The following RBFOX1 variants were observed in gnomAD, a reference collection of about 807,000 sequenced individuals.
RBFOX1 encodes RNA binding protein fox-1 homolog 1.
Under a neutral mutation model 57.7 loss-of-function variants are expected in RBFOX1, and 8 were observed. That is an observed-to-expected ratio of 0.14 (90% CI 0.08 to 0.25). The LOEUF is 0.25. Ranked by LOEUF, RBFOX1 falls within the 10% of genes least tolerant of loss-of-function variation. The pLI is 1.00. For synonymous variants in RBFOX1, 326 were observed against 222.4 expected, an observed-to-expected ratio of 1.47 and a Z score of -4.15; for missense variants, 611 against 548.5, an observed-to-expected ratio of 1.11 and a Z score of -1.14.
At chr16:7,475,916 C>T (rs891523935) in intron 4 of RBFOX1, among the ~76,000 whole-genome samples, 4 of 152,138 alleles carry the variant, frequency 2.6e-5, no homozygotes, top group African/African-American at 4.8e-5. Context: ...TCATGTCTGG[C>T]AGTGTAGTAA....
intron 4 of RBFOX1, among the ~76,000 whole-genome samples, chr16:5,953,473 C>G (rs146240911): frequency 2.6e-4 from 40 of 152,140 alleles, no homozygotes; most frequent in South Asian, 1.5e-3. Context: ...AGTTTGTAGT[C>G]TTTTATCCCT....
At chr16:7,436,024 G>C (rs938100225) in intron 4 of RBFOX1, among the ~76,000 whole-genome samples, 1 of 152,112 alleles carries the variant, frequency 6.6e-6, no homozygotes, top group Non-Finnish European at 1.5e-5. Flanking sequence ...TTTTTAGGGA[G>C]GGTGGGGCAT....
In RBFOX1 at chr16:7,245,592, C is replaced by G. The variant is rs1217056199; in HGVS notation, c.27+193494C>G. Among the ~76,000 whole-genome samples, 4 of 152,302 alleles carry G rather than the reference C, an allele frequency of 2.6e-5. No individual in the cohort carries two copies. In the East Asian group the frequency reaches 5.8e-4, roughly 22 times the overall value. On this transcript the variant is annotated intron_variant, in intron 4 of 15. Coordinates refer to ENST00000550418, the MANE Select transcript of RBFOX1 (RefSeq NM_018723.4). ...AAAATTTTAAATCTGATTTTTATAA[C>G]TTTTCTGAGAGGTTAAACTTTTGGA... is the stretch of plus-strand genomic sequence containing the variant.
intron 3 of RBFOX1, among the ~76,000 whole-genome samples, chr16:6,978,699 G>A (rs928226848): frequency 6.6e-6 from 1 of 152,208 alleles, no homozygotes; most frequent in Non-Finnish European, 1.5e-5. Flanking sequence ...TTTTGCCAAT[G>A]TAATCAGGAT....
intron 2 of RBFOX1, among the ~76,000 whole-genome samples, chr16:6,493,848 G>C (rs1390133379): frequency 1.3e-5 from 2 of 152,142 alleles, no homozygotes; most frequent in African/African-American, 4.8e-5. Context: ...ACGAAAGCTA[G>C]AAATAATCAG....
intron 14 of RBFOX1, among the ~76,000 whole-genome samples, chr16:7,684,893 T>C (rs1163286810): frequency 6.6e-6 from 1 of 152,082 alleles, no homozygotes; most frequent in African/African-American, 2.4e-5. Context: ...CCACTATTTT[T>C]GTTTTCTTCC....
chr16:6,185,926 A>G (rs967042491), intron 1 of RBFOX1, among the ~76,000 whole-genome samples: 13 of 152,212 alleles, frequency 8.5e-5, no homozygotes, highest in African/African-American at 2.9e-4. Context: ...TACCCTCCTT[A>G]GAGCTAAGGA....
intron 1 of RBFOX1, among the ~76,000 whole-genome samples, chr16:6,175,905 T>C (rs574955661): frequency 6.6e-6 from 1 of 152,232 alleles, no homozygotes; most frequent in East Asian, 1.9e-4. Flanking sequence ...TGACTGCCTG[T>C]TAGAAGCACC....
intron 3 of RBFOX1, among the ~76,000 whole-genome samples, chr16:6,834,914 A>G (rs2092975396): frequency 2.5e-5 from 3 of 122,306 alleles, no homozygotes; most frequent in Admixed American, 9.6e-5. Context: ...TTTTTTTGAG[A>G]TGGTGTCTCG....
chr16:7,354,975 C>T (rs907171168), intron 4 of RBFOX1, among the ~76,000 whole-genome samples: 1 of 152,166 alleles, frequency 6.6e-6, no homozygotes, highest in African/African-American at 2.4e-5. Context: ...TGAAACATGA[C>T]AAATAATGAT....
intron 4 of RBFOX1, among the ~76,000 whole-genome samples, chr16:5,901,575 A>G (rs1307353809): frequency 6.6e-6 from 1 of 152,170 alleles, no homozygotes; most frequent in Admixed American, 6.6e-5. Context: ...TTAGAAATTC[A>G]GCCCCTCAGC....
intron 1 of RBFOX1, among the ~76,000 whole-genome samples, chr16:5,342,295 C>T (rs17137865): frequency 0.053 from 8,017 of 152,116 alleles, 402 homozygotes; most frequent in African/African-American, 0.13. Flanking sequence ...AAGTTTGAAC[C>T]CATCATTGTA....
At chr16:6,372,117 ATAG>A in intron 2 of RBFOX1, among the ~76,000 whole-genome samples, 3 of 151,942 alleles carry the variant, frequency 2.0e-5, no homozygotes, top group Non-Finnish European at 4.4e-5. Context: ...ATGGAAAAGT[ATAG>A]TTGGGTGGGA....
intron 4 of RBFOX1, among the ~76,000 whole-genome samples, chr16:7,170,973 C>G (rs1208448284): frequency 6.6e-6 from 1 of 152,096 alleles, no homozygotes; most frequent in Non-Finnish European, 1.5e-5. Flanking sequence ...GCAGGTGATC[C>G]TAAAACACAC....
At chr16:6,619,486 T>C (rs948306986) in intron 2 of RBFOX1, among the ~76,000 whole-genome samples, 1 of 152,148 alleles carries the variant, frequency 6.6e-6, no homozygotes, top group Non-Finnish European at 1.5e-5. Flanking sequence ...TTTTTTCTTC[T>C]CATTAAACTT....
At chr16:6,905,625 A>T (rs2069674915) in intron 3 of RBFOX1, among the ~76,000 whole-genome samples, 1 of 151,842 alleles carries the variant, frequency 6.6e-6, no homozygotes. Context: ...CTTTGTGTTT[A>T]TTCCAATTTT....
intron 2 of RBFOX1, among the ~76,000 whole-genome samples, chr16:6,358,645 C>T (rs1257708114): frequency 6.6e-6 from 1 of 152,110 alleles, no homozygotes; most frequent in African/African-American, 2.4e-5. Flanking sequence ...GAGGTAGATA[C>T]TATTATTCAT....
intron 4 of RBFOX1, among the ~76,000 whole-genome samples, chr16:7,477,532 C>G (rs867798937): frequency 6.6e-5 from 10 of 152,146 alleles, no homozygotes; most frequent in Non-Finnish European, 7.3e-5. Flanking sequence ...TGGCTGACTC[C>G]CCAAAGAGAA....
intron 2 of RBFOX1, among the ~76,000 whole-genome samples, chr16:6,616,417 C>A (rs1290167235): frequency 6.6e-6 from 1 of 151,914 alleles, no homozygotes; most frequent in East Asian, 1.9e-4. Context: ...TGGCTCACGC[C>A]TGTAATCCCA....
Sources: gnomAD v4.1 joint callset for allele counts (sites outside exome capture counted in the v4.1 genomes callset) on GRCh38, gnomAD v4.1.1 for gene constraint, MANE v1.5 for transcripts, NCBI Gene and HGNC (gene_info 2026-07-23, HGNC 2026-07-21) for gene names.